The following GABRB1 variants were observed in gnomAD, a reference collection of about 807,000 sequenced individuals.
GABRB1 encodes the protein gamma-aminobutyric acid receptor subunit beta-1.
In GABRB1, 17 loss-of-function variants were observed where a neutral mutation model predicts 51.6. The ratio of observed to expected loss-of-function variants is 0.33; its 90% CI spans 0.23 to 0.49. The LOEUF (loss-of-function observed/expected upper bound fraction) is 0.49. Among genes scored for constraint, GABRB1 ranks in the 20% least tolerant of loss-of-function variants. The pLI, the probability that GABRB1 is intolerant of heterozygous loss-of-function variation, is 0.99. For missense variants in GABRB1, 410 were observed against 600.6 expected (o/e 0.68, Z 3.32); for synonymous variants, 247 against 218.9 (o/e 1.13, Z -1.14).
chr4:47,184,232 T>C (rs1719072863), intron 4 of GABRB1, among the ~76,000 whole-genome samples: 1 of 151,926 alleles, frequency 6.6e-6, no homozygotes, highest in African/African-American at 2.4e-5. Context: ...AGCCAACGTT[T>C]TATTCATTAG....
At chr4:47,395,204 T>G (rs1728139543) in intron 5 of GABRB1, among the ~76,000 whole-genome samples, 1 of 152,138 alleles carries the variant, frequency 6.6e-6, no homozygotes, top group Admixed American at 6.6e-5. Flanking sequence ...GTAGGTAATT[T>G]ATGAAGAAAA....
At chr4:47,015,347 T>C (rs1317635519) in intron 1 of GABRB1, among the ~76,000 whole-genome samples, 1 of 152,224 alleles carries the variant, frequency 6.6e-6, no homozygotes, top group African/African-American at 2.4e-5. Context: ...TGAGTATTAC[T>C]GAGAATTTAA....
upstream of GABRB1, among the ~76,000 whole-genome samples, chr4:47,028,980 T>C: frequency 6.6e-6 from 1 of 151,578 alleles, no homozygotes; most frequent in East Asian, 1.9e-4. Flanking sequence ...TGCACCTTGC[T>C]CTTGTTTCGT....
intron 5 of GABRB1, among the ~76,000 whole-genome samples, chr4:47,333,287 G>A (rs980671531): frequency 2.1e-4 from 31 of 147,552 alleles, no homozygotes; most frequent in Non-Finnish European, 4.2e-4. Flanking sequence ...TTTGAATAAT[G>A]ATGCTATGGA....
At chr4:47,205,905 T>A (rs1720099813) in intron 4 of GABRB1, among the ~76,000 whole-genome samples, 1 of 152,068 alleles carries the variant, frequency 6.6e-6, no homozygotes. Context: ...CATTCTCAAA[T>A]ATTTTTGTTC....
chr4:47,324,914 T>C (rs1281671526), intron 5 of GABRB1, among the ~76,000 whole-genome samples: 1 of 152,262 alleles, frequency 6.6e-6, no homozygotes, highest in African/African-American at 2.4e-5. Context: ...ATCCGTTCTA[T>C]TGCAAGTATC....
chr4:47,122,667 G>T (rs1481682286), intron 3 of GABRB1, among the ~76,000 whole-genome samples: 1 of 152,102 alleles, frequency 6.6e-6, no homozygotes, highest in African/African-American at 2.4e-5. Flanking sequence ...TGTCTCTGAG[G>T]GGAAGTATGA....
intron 3 of GABRB1, among the ~76,000 whole-genome samples, chr4:47,058,082 G>C (rs1726696529): frequency 6.6e-6 from 1 of 152,212 alleles, no homozygotes; most frequent in South Asian, 2.1e-4. Context: ...AGGCTGCACA[G>C]AGTTGTGAGA....
At chr4:47,052,441 G>C (rs1464539920) in intron 3 of GABRB1, among the ~76,000 whole-genome samples, 1 of 152,218 alleles carries the variant, frequency 6.6e-6, no homozygotes, top group Non-Finnish European at 1.5e-5. Flanking sequence ...TTCAGGCAAG[G>C]GGGAGAGGTA....
At chr4:47,404,017 A>T in intron 7 of GABRB1, among the ~76,000 whole-genome samples, 1 of 152,204 alleles carries the variant, frequency 6.6e-6, no homozygotes, top group African/African-American at 2.4e-5. Flanking sequence ...CTTTGGGATG[A>T]CTTCCCCTTT....
At chr4:47,000,747 A>G (rs1179773576) in intron 1 of GABRB1, among the ~76,000 whole-genome samples, 2 of 152,188 alleles carry the variant, frequency 1.3e-5, no homozygotes, top group Non-Finnish European at 2.9e-5. Flanking sequence ...GGATTTCCAC[A>G]TAACATGATG....
chr4:47,398,339 A>G (rs1180135311), intron 5 of GABRB1, among the ~76,000 whole-genome samples: 2 of 152,328 alleles, frequency 1.3e-5, no homozygotes, highest in South Asian at 4.1e-4. Context: ...TAGTTTAACC[A>G]GCAGCTTTCC....
rs548892087 is a variant in GABRB1 at position 47,056,532 on chromosome 4, A to G, written c.240+24048A>G. On this transcript the variant is annotated intron_variant, in intron 3 of 8. Coordinates refer to ENST00000295454, the MANE Select transcript of GABRB1 (RefSeq NM_000812.4). ...AATCGTTTTTTTCTCTACCTTAATC[A>G]TCAAAAGTCAAACATGAGTGAGAAG... is the stretch of plus-strand genomic sequence containing the variant. 1.1e-3 allele frequency among the ~76,000 whole-genome samples: 168 copies of G among 152,308 alleles called. 2 individuals carry two copies. Among genetic ancestry groups the G allele is most frequent in the Middle Eastern group, 6.8e-3 (2 of 294 alleles).
chr4:47,337,808 T>TAAAAA (rs1170540924), intron 5 of GABRB1, among the ~76,000 whole-genome samples: 4 of 84,486 alleles, frequency 4.7e-5, no homozygotes, highest in Admixed American at 1.3e-4. Flanking sequence ...AGACTCTGTC[T>TAAAAA]AAAAAAAAAA....
At chr4:47,151,016 A>T (rs1204057590) in intron 3 of GABRB1, among the ~76,000 whole-genome samples, 2 of 151,960 alleles carry the variant, frequency 1.3e-5, no homozygotes, top group African/African-American at 4.8e-5. Flanking sequence ...TAATCAGGCT[A>T]TTCATTCTAT....
At chr4:47,062,745 C>G (rs1726895623) in intron 3 of GABRB1, among the ~76,000 whole-genome samples, 1 of 152,122 alleles carries the variant, frequency 6.6e-6, no homozygotes, top group African/African-American at 2.4e-5. Flanking sequence ...AAGCATGTCT[C>G]TTAAACTCTC....
Position 47,341,385 on chromosome 4 carries a change from C to T in GABRB1, c.544+21176C>T, listed in dbSNP as rs1239882690. Among the ~76,000 whole-genome samples the T allele has an allele frequency of 3.3e-5, 5 of 152,286 alleles. No homozygotes were observed. In the East Asian group the frequency reaches 5.8e-4, roughly 18 times the overall value. ...ACAATAATCCACAACGTTTATATAA[C>T]CTTTTGCACTTATGGAAATGTATTT... On this transcript the variant is annotated intron_variant, in intron 5 of 8. Coordinates refer to ENST00000295454, the MANE Select transcript of GABRB1 (RefSeq NM_000812.4).
intron 5 of GABRB1, among the ~76,000 whole-genome samples, chr4:47,335,935 A>C (rs940780836): frequency 1.3e-5 from 2 of 152,152 alleles, no homozygotes; most frequent in Non-Finnish European, 2.9e-5. Context: ...GACACTGGAC[A>C]CCAGCTCTGA....
At chr4:47,340,361 A>C (rs1725837393) in intron 5 of GABRB1, among the ~76,000 whole-genome samples, 1 of 150,152 alleles carries the variant, frequency 6.7e-6, no homozygotes, top group African/African-American at 2.4e-5. Flanking sequence ...TGCCTCCAAA[A>C]TAATGGCCTT....
Sources: allele counts gnomAD v4.1 joint callset (sites outside exome capture counted in the v4.1 genomes callset), GRCh38; gene constraint gnomAD v4.1.1; transcripts MANE v1.5; gene names NCBI Gene and HGNC (gene_info 2026-07-23, HGNC 2026-07-21).